Variants in ZNF232 observed in about 807,000 individuals in gnomAD.
The protein encoded by ZNF232 is zinc finger protein 232, also known as zinc finger and SCAN domain-containing protein 11.
In ZNF232, 25 loss-of-function variants were observed where a neutral mutation model predicts 25.2. The ratio of observed to expected loss-of-function variants is 0.99; its 90% CI spans 0.72 to 1.39. The LOEUF is 1.39. Ranked by LOEUF, ZNF232 falls within the 40% of genes most tolerant of loss-of-function variation. The probability of loss-of-function intolerance (pLI) is 0.00; values close to 1 mark genes in which losing one functional copy is unlikely to be tolerated. For missense variants in ZNF232, 519 were observed against 520.9 expected, an observed-to-expected ratio of 1.00 and a Z score of 0.04; for synonymous variants, 193 against 182.9, an observed-to-expected ratio of 1.06 and a Z score of -0.45.
intron 1 of ZNF232, among the ~76,000 whole-genome samples, chr17:5,119,902 C>G (rs1391324600): frequency 6.6e-6 from 1 of 152,122 alleles, no homozygotes; most frequent in Non-Finnish European, 1.5e-5. Flanking sequence ...AGGGACCCCT[C>G]CTTCAGGTCT....
intron 3 of ZNF232, 27 bp from the exon 4 acceptor site, chr17:5,106,560 G>C (rs772090462): frequency 2.5e-5 from 38 of 1,530,422 alleles, no homozygotes; most frequent in Non-Finnish European, 3.4e-5. Context: ...ATGACACTTA[G>C]ATTAAAATGT....
upstream of ZNF232, chr17:5,112,143 T>TG (rs147867476): frequency 2.1e-5 from 10 of 467,312 alleles, no homozygotes; most frequent in South Asian, 6.5e-5. Flanking sequence ...TCATCAAGTT[T>TG]GGGGGGTCTC....
exon 2 of ZNF232, chr17:5,109,836 G>C (rs752697685): frequency 6.2e-7 from 1 of 1,612,274 alleles, no homozygotes; most frequent in South Asian, 1.1e-5. Context: ...CTCTGCAGAA[G>C]GCTCATACCA....
At chr17:5,115,573 C>CACACACACACACACAT, upstream of ZNF232, among the ~76,000 whole-genome samples, 1 of 151,920 alleles carries the variant, frequency 6.6e-6, no homozygotes, top group East Asian at 1.9e-4. Context: ...CACACACACA[C>CACACACACACACACAT]ACAAAACCCA....
At chr17:5,108,848 C>A (rs980232718) in intron 3 of ZNF232, 78 bp downstream of exon 3, 3 of 1,600,512 alleles carry the variant, frequency 1.9e-6, no homozygotes, top group Non-Finnish European at 2.6e-6. Flanking sequence ...CTACTATTTA[C>A]CCTTTACAGG....
Position 5,122,813 on chromosome 17 carries a change from G to A in ZNF232, c.-530+164C>T, listed in dbSNP as rs148197426. Among the ~76,000 whole-genome samples, 1,124 of 152,348 alleles carry A rather than the reference G, an allele frequency of 7.4e-3. 21 individuals are homozygous for A. Among genetic ancestry groups the A allele is most frequent in the African/African-American group, 0.025 (1,038 of 41,578 alleles). On this transcript the variant is annotated intron_variant, in intron 1 of 4. Transcript: ENST00000250076. Reference sequence around the variant, plus strand: ...AGGGGTCGGGGCCGGTGGGTAGGGCGCGGAGAGCGCACTGAGCTCTTAGAG... The same window carrying A: ...AGGGGTCGGGGCCGGTGGGTAGGGCACGGAGAGCGCACTGAGCTCTTAGAG...
chr17:5,107,610 C>T lies in ZNF232; in HGVS notation c.626-1104G>A, dbSNP rs535203019. ...CTGGAGTGTAGTGGCATGATCTTGG[C>T]TCACTGCAACCTCTGCTTCCCTGGT... On this transcript the variant is annotated intron_variant, in intron 3 of 3. Transcript: ENST00000575898. Among the ~76,000 whole-genome samples, 3 of 148,074 alleles carry T rather than the reference C, an allele frequency of 2.0e-5. No individual in the cohort carries two copies. The South Asian group carries it at 6.4e-4, about 32-fold the overall frequency.
chr17:5,121,061 G>C (rs574424910), intron 1 of ZNF232, among the ~76,000 whole-genome samples: 95 of 152,316 alleles, frequency 6.2e-4, no homozygotes, highest in Non-Finnish European at 1.2e-3. Context: ...GTGTGTATTT[G>C]AGTACATACG....
chr17:5,106,052 T>C (rs535640355), exon 4 of ZNF232: 1 of 1,614,106 alleles, frequency 6.2e-7, no homozygotes, highest in Admixed American at 1.7e-5. Flanking sequence ...GAGCACCCCA[T>C]CTGAAGGCCT....
chr17:5,118,769 G>C (rs1191625431), intron 1 of ZNF232, among the ~76,000 whole-genome samples: 10 of 152,176 alleles, frequency 6.6e-5, no homozygotes, highest in Non-Finnish European at 1.5e-5. Flanking sequence ...AGCTAGAGAG[G>C]GGGTAGAAAG....
exon 2 of ZNF232, chr17:5,109,565 C>T (rs749643609): frequency 1.2e-6 from 2 of 1,614,096 alleles, no homozygotes; most frequent in African/African-American, 1.3e-5. Context: ...GTTTCTCTGG[C>T]CTCAGCCACT....
chr17:5,111,860 A>C, upstream of ZNF232: 1 of 1,612,930 alleles, frequency 6.2e-7, no homozygotes, highest in Non-Finnish European at 8.5e-7. Flanking sequence ...TACAGCCCTC[A>C]CCCCAGGGGC....
At chr17:5,115,448 G>A (rs1258648061), upstream of ZNF232, among the ~76,000 whole-genome samples, 2 of 152,184 alleles carry the variant, frequency 1.3e-5, no homozygotes, top group Non-Finnish European at 2.9e-5. Flanking sequence ...CTACTCGGGA[G>A]GCTGAGGCGG....
At chr17:5,122,785 G>A (rs1202604877) in intron 1 of ZNF232, among the ~76,000 whole-genome samples, 5 of 152,262 alleles carry the variant, frequency 3.3e-5, no homozygotes, top group African/African-American at 9.6e-5. Flanking sequence ...GTCCGGTAGG[G>A]CGAGGGGTCG....
chr17:5,109,913 A>G (rs2072358704), intron 1 of ZNF232, 45 bp from the exon 2 acceptor site: 6 of 1,519,866 alleles, frequency 3.9e-6, no homozygotes, highest in African/African-American at 2.8e-5. Flanking sequence ...TTTTTAAGAC[A>G]GAGTCTTTCT....
intron 1 of ZNF232, among the ~76,000 whole-genome samples, chr17:5,120,218 G>A (rs117467274): frequency 1.3e-3 from 197 of 152,224 alleles, no homozygotes; most frequent in Non-Finnish European, 2.2e-3. Flanking sequence ...GGCCTGGCAC[G>A]GTGACACCAA....
intron 1 of ZNF232, among the ~76,000 whole-genome samples, chr17:5,110,623 TAA>T (rs1222036423): frequency 2.0e-5 from 3 of 152,156 alleles, no homozygotes; most frequent in Non-Finnish European, 4.4e-5. Context: ...AAGAAAAATA[TAA>T]GTCCCCTTTA....
chr17:5,109,635 CGGA>C, exon 2 of ZNF232: 1 of 1,614,174 alleles, frequency 6.2e-7, no homozygotes, highest in Non-Finnish European at 8.5e-7. Context: ...CTCCTGGTAG[CGGA>C]GATGCCTGAA....
chr17:5,121,942 G>T (rs548892771), intron 1 of ZNF232, among the ~76,000 whole-genome samples: 13 of 152,192 alleles, frequency 8.5e-5, no homozygotes, highest in Non-Finnish European at 1.9e-4. Context: ...AAAGCGTCTG[G>T]ATTAGATCAC....
Sources: allele counts gnomAD v4.1 joint callset (sites outside exome capture counted in the v4.1 genomes callset), GRCh38; gene constraint gnomAD v4.1.1; transcripts MANE v1.5; gene names NCBI Gene and HGNC (gene_info 2026-07-23, HGNC 2026-07-21).